Variants in FAF1 observed in about 807,000 individuals in gnomAD.
FAF1 encodes the protein Fas associated factor 1.
In FAF1, 25 loss-of-function variants were observed where a neutral mutation model predicts 92.5. That is an observed-to-expected ratio of 0.27 (90% confidence interval 0.20 to 0.38). FAF1 has a LOEUF of 0.38. Among genes scored for constraint, FAF1 ranks in the 10% least tolerant of loss-of-function variants. FAF1 has a pLI of 1.00. For missense variants in FAF1, 636 were observed against 793.3 expected (o/e 0.80, Z 2.38); for synonymous variants, 234 against 273.2 (o/e 0.86, Z 1.42).
chr1:50,910,675 C>A (rs1644877308), intron 1 of FAF1, among the ~76,000 whole-genome samples: 1 of 151,868 alleles, frequency 6.6e-6, no homozygotes, highest in African/African-American at 2.4e-5. Context: ...GGCCGTGGGA[C>A]CCTCCAAGCC....
chr1:50,705,735 C>G, intron 7 of FAF1, 51 bp downstream of exon 7: 1 of 1,005,278 alleles, frequency 9.9e-7, no homozygotes, highest in African/African-American at 1.6e-5. Context: ...ACAGGGTCAA[C>G]ATTAGCTATA....
At chr1:50,635,816 G>C (rs1183485540) in intron 8 of FAF1, among the ~76,000 whole-genome samples, 1 of 152,174 alleles carries the variant, frequency 6.6e-6, no homozygotes, top group African/African-American at 2.4e-5. Context: ...CAGAGGTAAA[G>C]ATAATTGCTC....
intron 18 of FAF1, among the ~76,000 whole-genome samples, chr1:50,472,151 T>C (rs1377843962): frequency 6.6e-6 from 1 of 151,914 alleles, no homozygotes; most frequent in Non-Finnish European, 1.5e-5. Context: ...TCCCTTACTC[T>C]AACTCAGAGA....
chr1:50,554,632 T>C (rs1649482689), intron 13 of FAF1, among the ~76,000 whole-genome samples: 1 of 152,038 alleles, frequency 6.6e-6, no homozygotes, highest in Admixed American at 6.5e-5. Context: ...CCCACTAAAA[T>C]CACTCTGATC....
At chr1:50,519,343 G>A (rs1033522462) in intron 15 of FAF1, among the ~76,000 whole-genome samples, 1 of 125,618 alleles carries the variant, frequency 8.0e-6, no homozygotes, top group South Asian at 3.0e-4. Flanking sequence ...AAGAAAGGAA[G>A]GAATGAAGGA....
chr1:50,596,066 C>T (rs1211286643), intron 9 of FAF1, 55 bp downstream of exon 9: 5 of 1,128,214 alleles, frequency 4.4e-6, no homozygotes, highest in Non-Finnish European at 6.7e-6. Context: ...GGGAAGTGCG[C>T]AGGTAGGTGG....
At chr1:50,930,282 G>T (rs1466087345) in intron 1 of FAF1, among the ~76,000 whole-genome samples, 1 of 152,186 alleles carries the variant, frequency 6.6e-6, no homozygotes, top group African/African-American at 2.4e-5. Context: ...AGCTAAGCAG[G>T]TGACCTCAGG....
intron 8 of FAF1, among the ~76,000 whole-genome samples, chr1:50,604,415 A>G (rs1301135686): frequency 6.6e-6 from 1 of 152,238 alleles, no homozygotes; most frequent in Non-Finnish European, 1.5e-5. Flanking sequence ...AAACTGAGGT[A>G]TAGAGAGGTA....
chr1:50,762,413 G>A (rs1200726087), intron 4 of FAF1, among the ~76,000 whole-genome samples: 2 of 151,916 alleles, frequency 1.3e-5, no homozygotes, highest in African/African-American at 4.8e-5. Context: ...CAAAGCTGGA[G>A]GCATCACACT....
chr1:50,727,553 A>G (rs1342739215), intron 6 of FAF1, among the ~76,000 whole-genome samples: 1 of 152,190 alleles, frequency 6.6e-6, no homozygotes, highest in Non-Finnish European at 1.5e-5. Flanking sequence ...AAAATCCCTG[A>G]TTTTCTGTAG....
At chr1:50,768,633 A>C (rs1660667432) in intron 4 of FAF1, among the ~76,000 whole-genome samples, 1 of 152,120 alleles carries the variant, frequency 6.6e-6, no homozygotes. Flanking sequence ...TAAGAAAATC[A>C]CTCAAAAGCA....
At chr1:50,936,589 G>A (rs1645087015) in intron 1 of FAF1, among the ~76,000 whole-genome samples, 1 of 152,182 alleles carries the variant, frequency 6.6e-6, no homozygotes, top group Non-Finnish European at 1.5e-5. Flanking sequence ...TTGTTAGCCT[G>A]CCAGTGAACT....
rs148332364 is a variant in FAF1, at chr1:50,892,712, T to C, written c.46-34715A>G. Among the ~76,000 whole-genome samples the C allele has an allele frequency of 9.2e-5, 14 of 152,316 alleles. No individual in the cohort carries two copies. In the East Asian group the frequency reaches 2.5e-3, roughly 27 times the overall value. ...GTGTTCTATAACCATTTTTTAATTA[T>C]ATACTAATATCTTTCTCTAGATTTG... On this transcript the variant is annotated intron_variant, in intron 1 of 18. Coordinates refer to ENST00000396153, the MANE Select transcript of FAF1 (RefSeq NM_007051.3).
chr1:50,888,115 T>C (rs910015687), intron 1 of FAF1, among the ~76,000 whole-genome samples: 9 of 152,232 alleles, frequency 5.9e-5, no homozygotes, highest in East Asian at 1.9e-4. Flanking sequence ...GTTGGATTCC[T>C]AGGTGTTTTA....
At chr1:50,797,936 C>T (rs2124587265) in intron 3 of FAF1, among the ~76,000 whole-genome samples, 1 of 152,238 alleles carries the variant, frequency 6.6e-6, no homozygotes. Context: ...TTTATCCTTA[C>T]TCAACTTTCC....
chr1:50,647,810 C>A (rs1654662042), intron 8 of FAF1, among the ~76,000 whole-genome samples: 1 of 151,322 alleles, frequency 6.6e-6, no homozygotes, highest in South Asian at 2.1e-4. Flanking sequence ...CCAGATGAAG[C>A]CAGAGAGGAG....
At chr1:50,482,966 A>G (rs984724699) in intron 17 of FAF1, among the ~76,000 whole-genome samples, 4 of 152,128 alleles carry the variant, frequency 2.6e-5, no homozygotes, top group Non-Finnish European at 5.9e-5. Flanking sequence ...TATAAATAGT[A>G]CAAGTTTCTA....
At position 50,583,874 on chromosome 1, in the gene FAF1, A is replaced by T. The variant is rs375565770; in HGVS notation, c.968-159T>A. ...GCTTCTGTGATATATCTGAGGGGATAGTTTAACTCAACATATATTAGATCT... is the reference window on the plus strand; with the variant it reads ...GCTTCTGTGATATATCTGAGGGGATTGTTTAACTCAACATATATTAGATCT... On this transcript the variant is annotated intron_variant, in intron 10 of 18. Transcript: ENST00000396153. This position sits in a 1 kb window ranked among gnomAD's most constrained non-coding sequence, Gnocchi z 4.2. 2.0e-5 allele frequency among the ~76,000 whole-genome samples: 3 copies of T among 152,096 alleles called. No homozygotes were observed. The highest frequency in any genetic ancestry group is 4.1e-4 in the South Asian group (2 of 4,830).
At chr1:50,851,177 T>G (rs1644345936) in intron 2 of FAF1, among the ~76,000 whole-genome samples, 2 of 151,614 alleles carry the variant, frequency 1.3e-5, no homozygotes, top group Admixed American at 1.3e-4. Flanking sequence ...GCTTTCCAGG[T>G]TCAAGTGATC....
Sources: gnomAD v4.1 joint callset for allele counts (sites outside exome capture counted in the v4.1 genomes callset) on GRCh38, gnomAD v4.1.1 for gene constraint, Gnocchi (gnomAD v3.1) non-coding constraint, MANE v1.5 for transcripts, NCBI Gene and HGNC (gene_info 2026-07-23, HGNC 2026-07-21) for gene names.